ENTREP2: variants seen among roughly 807,000 people sequenced by gnomAD.
The protein encoded by ENTREP2 is protein ENTREP2.
At chr15:29,573,656 T>C in the ENTREP2 span, among the ~76,000 whole-genome samples, 5 of 150,774 alleles carry the variant, frequency 3.3e-5, no homozygotes, top group Admixed American at 6.6e-5. Context: ...CCTCTCTCTC[T>C]CCCTCTCTCT....
the ENTREP2 span, among the ~76,000 whole-genome samples, chr15:29,573,300 C>T: frequency 6.6e-6 from 1 of 152,146 alleles, no homozygotes; most frequent in East Asian, 1.9e-4. Context: ...ACTTACTTCA[C>T]ATTTCTATCA....
At chr15:29,144,795 T>C in the ENTREP2 span, among the ~76,000 whole-genome samples, 3 of 150,782 alleles carry the variant, frequency 2.0e-5, no homozygotes, top group East Asian at 5.8e-4. Context: ...ATCCCAGCAC[T>C]CTGGGAGGCT....
the ENTREP2 span, among the ~76,000 whole-genome samples, chr15:29,625,385 G>C: frequency 1.3e-5 from 2 of 152,136 alleles, no homozygotes; most frequent in South Asian, 4.1e-4. Flanking sequence ...TGTATTGTTA[G>C]TACATGCCTA....
the ENTREP2 span, among the ~76,000 whole-genome samples, chr15:29,593,500 C>G: frequency 6.6e-6 from 1 of 152,164 alleles, no homozygotes; most frequent in Non-Finnish European, 1.5e-5. Context: ...CATAGGCATA[C>G]CTAGGATTTT....
chr15:29,208,413 A>G, the ENTREP2 span, among the ~76,000 whole-genome samples: 2 of 152,202 alleles, frequency 1.3e-5, no homozygotes, highest in African/African-American at 4.8e-5. Flanking sequence ...CTACTTTGAA[A>G]TGATCGAGAA....
chr15:29,472,212 C>A, the ENTREP2 span, among the ~76,000 whole-genome samples: 1 of 152,042 alleles, frequency 6.6e-6, no homozygotes, highest in East Asian at 1.9e-4. Flanking sequence ...ACTCTGGGGA[C>A]GCTTAAATGC....
At chr15:29,412,573 C>T in the ENTREP2 span, among the ~76,000 whole-genome samples, 6 of 151,950 alleles carry the variant, frequency 3.9e-5, no homozygotes, top group African/African-American at 1.2e-4. Context: ...AGTTCTGTTA[C>T]GTTTTTCTAT....
chr15:29,247,445 G>T, the ENTREP2 span, among the ~76,000 whole-genome samples: 1 of 152,254 alleles, frequency 6.6e-6, no homozygotes, highest in East Asian at 1.9e-4. Context: ...AGTCCGGGAT[G>T]GGGTAAGCGG....
the ENTREP2 span, among the ~76,000 whole-genome samples, chr15:29,357,794 G>T: frequency 6.6e-6 from 1 of 151,690 alleles, no homozygotes; most frequent in Non-Finnish European, 1.5e-5. Context: ...AGCCGAGATC[G>T]TGCCACTGCA....
chr15:29,621,568 A>C, the ENTREP2 span, among the ~76,000 whole-genome samples: 1 of 129,970 alleles, frequency 7.7e-6, no homozygotes, highest in African/African-American at 3.0e-5. Context: ...GGCAGCTCGC[A>C]CCATTAGGAT....
chr15:29,657,263 A>T, the ENTREP2 span, among the ~76,000 whole-genome samples: 1 of 150,846 alleles, frequency 6.6e-6, no homozygotes, highest in South Asian at 2.1e-4. Flanking sequence ...GTTTCACCGT[A>T]TTAGCCAGGA....
the ENTREP2 span, among the ~76,000 whole-genome samples, chr15:29,229,522 G>T: frequency 6.6e-6 from 1 of 152,072 alleles, no homozygotes; most frequent in African/African-American, 2.4e-5. Context: ...ACTACTATCT[G>T]GTTTCTGCTT....
the ENTREP2 span, among the ~76,000 whole-genome samples, chr15:29,118,960 C>T: frequency 6.6e-6 from 1 of 152,332 alleles, no homozygotes. Flanking sequence ...CTGCCCACAG[C>T]AGCGTGAGCT....
At chr15:29,510,095 A>T in the ENTREP2 span, among the ~76,000 whole-genome samples, 1 of 152,238 alleles carries the variant, frequency 6.6e-6, no homozygotes, top group African/African-American at 2.4e-5. Context: ...GAAGGATATG[A>T]ACAGATACTT....
the ENTREP2 span, among the ~76,000 whole-genome samples, chr15:29,360,684 T>C: frequency 6.6e-6 from 1 of 152,194 alleles, no homozygotes; most frequent in Non-Finnish European, 1.5e-5. Flanking sequence ...TACCTGCTTA[T>C]ACCACGTGGA....
At chr15:29,157,580 A>G in the ENTREP2 span, among the ~76,000 whole-genome samples, 1 of 152,236 alleles carries the variant, frequency 6.6e-6, no homozygotes, top group Non-Finnish European at 1.5e-5. Context: ...AGGCTCAGCC[A>G]GAAGCTTTAG....
the ENTREP2 span, among the ~76,000 whole-genome samples, chr15:29,357,204 G>C: frequency 6.6e-6 from 1 of 152,072 alleles, no homozygotes; most frequent in African/African-American, 2.4e-5. Flanking sequence ...AGGATTAAAT[G>C]TGAAAAGCAA....
the ENTREP2 span, among the ~76,000 whole-genome samples, chr15:29,202,476 T>G: frequency 2.0e-5 from 3 of 152,170 alleles, no homozygotes; most frequent in African/African-American, 7.2e-5. Context: ...TTTAAAAATT[T>G]TTTTTATTTT....
the ENTREP2 span, among the ~76,000 whole-genome samples, chr15:29,566,221 G>A: frequency 2.6e-5 from 4 of 151,602 alleles, no homozygotes; most frequent in Admixed American, 6.6e-5. Flanking sequence ...GTGCAGTGGC[G>A]CGATCTCACT....
Sources: gnomAD v4.1 joint callset for allele counts (sites outside exome capture counted in the v4.1 genomes callset) on GRCh38, gnomAD v4.1.1 for gene constraint, MANE v1.5 for transcripts, NCBI Gene and HGNC (gene_info 2026-07-23, HGNC 2026-07-21) for gene names.